ADAMTSL3: variants seen among roughly 807,000 people sequenced by gnomAD.
ADAMTSL3 encodes the protein ADAMTS-like protein 3.
In ADAMTSL3, 128 loss-of-function variants were observed where a neutral mutation model predicts 201.7. That is an observed-to-expected ratio of 0.63 (90% CI 0.55 to 0.73). The LOEUF (loss-of-function observed/expected upper bound fraction) is 0.73, where lower values mean the gene tolerates loss of function less well. Ranked by LOEUF, ADAMTSL3 falls within the 30% of genes least tolerant of loss-of-function variation. ADAMTSL3 has a pLI of 0.00. For missense variants in ADAMTSL3, 1,990 were observed against 2,119.6 expected (o/e 0.94, Z 1.20); for synonymous variants, 738 against 748.4 (o/e 0.99, Z 0.23).
At chr15:83,860,880 C>T (rs571373461) in intron 8 of ADAMTSL3, among the ~76,000 whole-genome samples, 293 of 152,220 alleles carry the variant, frequency 1.9e-3, no homozygotes, top group African/African-American at 6.6e-3. Context: ...TCGCGTCACC[C>T]GGGAAGCGCA....
intron 19 of ADAMTSL3, chr15:83,962,622 A>T (rs2066993808): frequency 1.3e-5 from 2 of 152,236 alleles, no homozygotes; most frequent in South Asian, 4.1e-4. Context: ...GTTACTCTAT[A>T]TATGGCAGTT....
intron 12 of ADAMTSL3, among the ~76,000 whole-genome samples, chr15:83,891,940 C>T (rs4842922): frequency 0.13 from 19,962 of 152,244 alleles, 1,687 homozygotes; most frequent in Middle Eastern, 0.32. Context: ...CTTGGCCGGG[C>T]GTGGTGGCAC....
At chr15:83,853,047 G>T (rs1034544985) in intron 7 of ADAMTSL3, among the ~76,000 whole-genome samples, 2 of 152,078 alleles carry the variant, frequency 1.3e-5, no homozygotes, top group African/African-American at 2.4e-5. Context: ...TAGAAATGGG[G>T]TTTCGCCATG....
In ADAMTSL3 at chr15:83,828,039, T is replaced by C. The variant is rs547089386; in HGVS notation, c.600+7992T>C. Among the ~76,000 whole-genome samples the C allele has an allele frequency of 2.0e-5, 3 of 152,348 alleles. No homozygotes were observed. In the South Asian group the frequency reaches 6.2e-4, roughly 32 times the overall value. ...TCCATATGAACTTTAAAGTAGTTTTTCCAATTCTGTGAAGAAATTCTGTGA... is the reference window on the plus strand; with the variant it reads ...TCCATATGAACTTTAAAGTAGTTTTCCCAATTCTGTGAAGAAATTCTGTGA... On this transcript the variant is annotated intron_variant, in intron 6 of 29. Coordinates refer to ENST00000286744, the MANE Select transcript of ADAMTSL3 (RefSeq NM_207517.3).
intron 6 of ADAMTSL3, among the ~76,000 whole-genome samples, chr15:83,832,914 C>A (rs61434114): frequency 0.1 from 15,484 of 152,122 alleles, 999 homozygotes; most frequent in East Asian, 0.32. Flanking sequence ...CTGGTTGGTA[C>A]CAGCTCTGCA....
chr15:84,022,267 T>C (rs2068218632), intron 26 of ADAMTSL3, among the ~76,000 whole-genome samples: 1 of 152,110 alleles, frequency 6.6e-6, no homozygotes, highest in East Asian at 1.9e-4. Context: ...AGTCTTCTGG[T>C]TCTTATCTCC....
intron 5 of ADAMTSL3, among the ~76,000 whole-genome samples, chr15:83,818,475 C>A (rs1163066647): frequency 1.3e-5 from 2 of 152,082 alleles, no homozygotes; most frequent in Non-Finnish European, 2.9e-5. Flanking sequence ...TACAGGCATG[C>A]GCCACCACAC....
chr15:83,743,295 T>C (rs560269461), intron 3 of ADAMTSL3, among the ~76,000 whole-genome samples: 3 of 152,136 alleles, frequency 2.0e-5, no homozygotes, highest in Admixed American at 2.0e-4. Flanking sequence ...GGGTGGATCA[T>C]GAGGTCAGGA....
chr15:83,926,482 T>C (rs1043141417), intron 17 of ADAMTSL3, among the ~76,000 whole-genome samples: 2 of 152,220 alleles, frequency 1.3e-5, no homozygotes, highest in African/African-American at 4.8e-5. Flanking sequence ...ATAAATCTTT[T>C]AAGAAAATTA....
chr15:83,756,980 G>A (rs1433449073), intron 3 of ADAMTSL3, among the ~76,000 whole-genome samples: 1 of 152,188 alleles, frequency 6.6e-6, no homozygotes, highest in African/African-American at 2.4e-5. Context: ...CCATGGCCTC[G>A]GGCAGCTCTG....
At chr15:84,023,115 T>C (rs145499034) in intron 26 of ADAMTSL3, among the ~76,000 whole-genome samples, 2 of 152,316 alleles carry the variant, frequency 1.3e-5, no homozygotes, top group African/African-American at 2.4e-5. Context: ...CCACAGGTAT[T>C]TTGCTCAATA....
At chr15:83,658,046 T>C in intron 2 of ADAMTSL3, among the ~76,000 whole-genome samples, 1 of 152,214 alleles carries the variant, frequency 6.6e-6, no homozygotes, top group South Asian at 2.1e-4. Flanking sequence ...AACTGCTAGA[T>C]GTGTGAGGCT....
chr15:83,713,451 C>T (rs2061959295), intron 3 of ADAMTSL3, among the ~76,000 whole-genome samples: 1 of 152,148 alleles, frequency 6.6e-6, no homozygotes, highest in Admixed American at 6.5e-5. Context: ...ATGCAGGAAA[C>T]TGGACTTGCA....
chr15:83,719,319 GA>G (rs2062063860), intron 3 of ADAMTSL3, among the ~76,000 whole-genome samples: 1 of 151,960 alleles, frequency 6.6e-6, no homozygotes, highest in African/African-American at 2.4e-5. Context: ...AATTGCAAAA[GA>G]AAAAGAAAAC....
chr15:83,679,535 C>T (rs1381587259), intron 2 of ADAMTSL3, among the ~76,000 whole-genome samples: 1 of 151,702 alleles, frequency 6.6e-6, no homozygotes, highest in Non-Finnish European at 1.5e-5. Flanking sequence ...CTTTCGTAGG[C>T]CATAATTATA....
intron 15 of ADAMTSL3, among the ~76,000 whole-genome samples, chr15:83,912,845 C>T (rs553082684): frequency 4.6e-5 from 7 of 152,160 alleles, no homozygotes; most frequent in East Asian, 3.9e-4. Context: ...AGCACAGATT[C>T]GAATTATGAA....
chr15:84,034,756 A>G (rs2068474210), intron 28 of ADAMTSL3, among the ~76,000 whole-genome samples: 1 of 152,230 alleles, frequency 6.6e-6, no homozygotes, highest in South Asian at 2.1e-4. Context: ...TACTGCCGTC[A>G]GAATCAGCAG....
chr15:83,720,594 T>C (rs947974667), intron 3 of ADAMTSL3, among the ~76,000 whole-genome samples: 1 of 152,146 alleles, frequency 6.6e-6, no homozygotes, highest in Non-Finnish European at 1.5e-5. Flanking sequence ...GACAAAAGGT[T>C]TTTAGAATTT....
intron 9 of ADAMTSL3, among the ~76,000 whole-genome samples, chr15:83,872,631 GTTTTTGTTCTCT>G (rs1405393644): frequency 2.4e-4 from 7 of 29,498 alleles, no homozygotes; most frequent in Middle Eastern, 0.067. Context: ...CACACACAGA[GTTTTTGTTCTCT>G]TTTAATTACT....
Sources: gnomAD v4.1 joint callset for allele counts (sites outside exome capture counted in the v4.1 genomes callset) on GRCh38, gnomAD v4.1.1 for gene constraint, MANE v1.5 for transcripts, NCBI Gene and HGNC (gene_info 2026-07-23, HGNC 2026-07-21) for gene names.